The following MEGF11 variants were observed in gnomAD, a reference collection of about 807,000 sequenced individuals.
MEGF11 encodes multiple EGF like domains 11.
Under a neutral mutation model 146.6 loss-of-function variants are expected in MEGF11, and 126 were observed. That is an observed-to-expected ratio of 0.86 (90% confidence interval 0.74 to 1.00). The LOEUF (loss-of-function observed/expected upper bound fraction) is 1.00, where lower values mean the gene tolerates loss of function less well. MEGF11 is among the 50% of genes least tolerant of loss of function. The pLI, the probability that MEGF11 is intolerant of heterozygous loss-of-function variation, is 0.00. For synonymous variants in MEGF11, 532 were observed against 583.4 expected (o/e 0.91, Z 1.27); for missense variants, 1,509 against 1,521.2 (o/e 0.99, Z 0.13).
chr15:66,161,641 C>G (rs2089956205), intron 1 of MEGF11, among the ~76,000 whole-genome samples: 1 of 152,184 alleles, frequency 6.6e-6, no homozygotes, highest in Admixed American at 6.5e-5. Flanking sequence ...AATCTGCCCT[C>G]CTTGGCCTCC....
At chr15:66,131,976 C>T (rs977855991) in intron 1 of MEGF11, among the ~76,000 whole-genome samples, 13 of 152,204 alleles carry the variant, frequency 8.5e-5, no homozygotes, top group African/African-American at 3.1e-4. Context: ...AGTCTGCATG[C>T]ACTTGTCTAT....
intron 5 of MEGF11, among the ~76,000 whole-genome samples, chr15:66,071,721 A>G (rs2085374951): frequency 1.3e-5 from 2 of 152,222 alleles, no homozygotes. Context: ...CTTTGGCAGC[A>G]GCAACAATAA....
chr15:66,021,726 T>C (rs1033639891), intron 5 of MEGF11, among the ~76,000 whole-genome samples: 1 of 152,168 alleles, frequency 6.6e-6, no homozygotes, highest in African/African-American at 2.4e-5. Flanking sequence ...TGGCAAAGTG[T>C]GGAACTAAGA....
chr15:65,955,752 A>ATT (rs1403197246), intron 10 of MEGF11, among the ~76,000 whole-genome samples: 18 of 23,180 alleles, frequency 7.8e-4, no homozygotes, highest in African/African-American at 2.1e-3. Context: ...AAAAAAAAAA[A>ATT]AAAAAAAAAA....
Position 66,039,813 on chromosome 15 carries a change from T to TCAG in MEGF11, c.394+54588_394+54589insCTG, listed in dbSNP as rs1567213475. ...GGGTCAGGCGGCGGTGGGGTGACGG[T>TCAG]CCTGAGCCGGGTCAGGCGGCGGTGG... On this transcript the variant is annotated intron_variant, in intron 5 of 25. Transcript: ENST00000395614. Among the ~76,000 whole-genome samples, 146 of 81,920 alleles carry TCAG rather than the reference T, an allele frequency of 1.8e-3. 12 individuals are homozygous for TCAG. Among genetic ancestry groups the TCAG allele is most frequent in the Middle Eastern group, 5.2e-3 (1 of 192 alleles). 53.7% of individuals were successfully genotyped at this position (81,920 alleles called of 152,430 possible). A position where few individuals can be genotyped will look rare whatever the true frequency, so the allele number is the denominator to read the frequency against.
chr15:66,086,370 AAAGTT>A (rs1329836352), intron 5 of MEGF11, among the ~76,000 whole-genome samples: 1 of 152,222 alleles, frequency 6.6e-6, no homozygotes, highest in African/African-American at 2.4e-5. Context: ...CAGGTTTTCC[AAAGTT>A]AAGACTAAGG....
chr15:65,941,315 C>G (rs1014295984), intron 10 of MEGF11, among the ~76,000 whole-genome samples: 1 of 151,988 alleles, frequency 6.6e-6, no homozygotes, highest in Non-Finnish European at 1.5e-5. Context: ...ACTTGGGAGG[C>G]TGAGGCACAA....
chr15:65,965,588 C>CTTTT (rs2081043954), intron 8 of MEGF11, among the ~76,000 whole-genome samples: 4 of 14,528 alleles, frequency 2.8e-4, no homozygotes, highest in East Asian at 6.8e-3. Context: ...TTCTTTCTTT[C>CTTTT]TTTCTTTCTT....
In MEGF11 at chr15:66,035,296, CTGCTGCCGCTGG is replaced by C. The variant is rs796297858; in HGVS notation, c.395-52820_395-52809del. 3.2e-3 allele frequency among the ~76,000 whole-genome samples: 487 copies of C among 152,298 alleles called. 6 individuals are homozygous for C. Among genetic ancestry groups the C allele is most frequent in the African/African-American group, 0.011 (449 of 41,556 alleles). On this transcript the variant is annotated intron_variant, in intron 5 of 25. Transcript: ENST00000395614. ...ATCACCATGACTACTACTACTGCTG[CTGCTGCCGCTGG>C]TGCTGCCACTCTAATGGTCCTGTTG...
At chr15:66,029,538 C>T (rs2083446980) in intron 5 of MEGF11, among the ~76,000 whole-genome samples, 1 of 152,220 alleles carries the variant, frequency 6.6e-6, no homozygotes, top group African/African-American at 2.4e-5. Context: ...TTACTGAAAC[C>T]TCTTTACAGC....
At chr15:66,132,652 G>A (rs1406085686) in intron 1 of MEGF11, among the ~76,000 whole-genome samples, 2 of 152,204 alleles carry the variant, frequency 1.3e-5, no homozygotes, top group African/African-American at 4.8e-5. Context: ...GGGGGGCTGA[G>A]TGGGAAAGCT....
Position 65,980,771 on chromosome 15 carries a change from C to T in MEGF11, c.762+7G>A, listed in dbSNP as rs1320336041. The T allele has an allele frequency of 6.3e-7, 1 of 1,592,896 alleles. No individual in the cohort carries two copies. Among genetic ancestry groups the T allele is most frequent in the Non-Finnish European group, 8.5e-7 (1 of 1,170,536 alleles). Reference sequence around the variant, plus strand: ...GTGCCCCACCCAGATCCTTTGGGCCCACTTACCGTCCAGCCTGGGGGGCAG... The same window carrying T: ...GTGCCCCACCCAGATCCTTTGGGCCTACTTACCGTCCAGCCTGGGGGGCAG... On this transcript the variant is annotated splice_region_variant and intron_variant, in intron 7 of 25. Coordinates refer to ENST00000395614, the MANE Select transcript of MEGF11 (RefSeq NM_001385028.1).
intron 1 of MEGF11, among the ~76,000 whole-genome samples, chr15:66,155,189 G>A (rs1035701381): frequency 6.6e-6 from 1 of 152,220 alleles, no homozygotes; most frequent in African/African-American, 2.4e-5. Context: ...CTGGCTCTGT[G>A]CCTCAGTGTT....
chr15:65,951,083 G>A (rs2141443844), intron 10 of MEGF11, among the ~76,000 whole-genome samples: 1 of 152,326 alleles, frequency 6.6e-6, no homozygotes, highest in Non-Finnish European at 1.5e-5. Flanking sequence ...GGGTTAGAGG[G>A]AAACATGTTA....
intron 5 of MEGF11, among the ~76,000 whole-genome samples, chr15:66,014,567 G>A (rs528701696): frequency 3.1e-4 from 47 of 152,240 alleles, no homozygotes; most frequent in African/African-American, 1.1e-3. Flanking sequence ...TGATAGGCAC[G>A]AAAAACCGCT....
At chr15:66,052,748 C>T (rs1242914528) in intron 5 of MEGF11, among the ~76,000 whole-genome samples, 2 of 152,210 alleles carry the variant, frequency 1.3e-5, no homozygotes, top group Non-Finnish European at 2.9e-5. Context: ...TAGGAACCTT[C>T]TGAGGCCCTC....
chr15:66,099,206 T>TTTTC (rs2086681092), intron 4 of MEGF11, among the ~76,000 whole-genome samples: 1 of 39,584 alleles, frequency 2.5e-5, no homozygotes, highest in Non-Finnish European at 8.3e-5. Flanking sequence ...TCCTTTTTCT[T>TTTTC]TTTTTTTTTT....
At chr15:65,917,036 G>A (rs1402599841) in intron 16 of MEGF11, 80 bp from the exon 17 acceptor site, 3 of 1,380,656 alleles carry the variant, frequency 2.2e-6, no homozygotes, top group Non-Finnish European at 2.9e-6. Context: ...GGGAGTACAT[G>A]TCAGAGCCAA....
intron 1 of MEGF11, among the ~76,000 whole-genome samples, chr15:66,207,177 A>T (rs2091320356): frequency 6.6e-6 from 1 of 152,230 alleles, no homozygotes; most frequent in Admixed American, 6.5e-5. Flanking sequence ...TTAATGCAAA[A>T]CATTAATTTA....
Sources: gnomAD v4.1 joint callset for allele counts (sites outside exome capture counted in the v4.1 genomes callset) on GRCh38, gnomAD v4.1.1 for gene constraint, MANE v1.5 for transcripts, NCBI Gene and HGNC (gene_info 2026-07-23, HGNC 2026-07-21) for gene names.